The following ACOXL variants were observed in gnomAD, a reference collection of about 807,000 sequenced individuals.
ACOXL encodes the protein acyl-coenzyme A oxidase-like protein.
Under a neutral mutation model 71.9 loss-of-function variants are expected in ACOXL, and 70 were observed. The ratio of observed to expected loss-of-function variants is 0.97; its 90% confidence interval spans 0.80 to 1.19. The LOEUF is 1.19. Ranked by LOEUF, ACOXL falls within the 50% of genes most tolerant of loss-of-function variation. ACOXL has a pLI of 0.00. For missense variants in ACOXL, 703 were observed against 736.3 expected (o/e 0.95, Z 0.52); for synonymous variants, 253 against 281.6 (o/e 0.90, Z 1.02).
At chr2:110,958,327 C>T (rs1311279245) in intron 12 of ACOXL, among the ~76,000 whole-genome samples, 2 of 152,210 alleles carry the variant, frequency 1.3e-5, no homozygotes, top group African/African-American at 2.4e-5. Flanking sequence ...TCATTGGCCA[C>T]ATGTCAGCCA....
chr2:110,889,566 C>A (rs1023604939), intron 10 of ACOXL, among the ~76,000 whole-genome samples: 1 of 152,178 alleles, frequency 6.6e-6, no homozygotes, highest in Non-Finnish European at 1.5e-5. Flanking sequence ...CTATTCTGGC[C>A]ATTTCATTTT....
intron 9 of ACOXL, among the ~76,000 whole-genome samples, chr2:110,838,100 C>G (rs965796394): frequency 7.9e-5 from 12 of 152,196 alleles, no homozygotes; most frequent in African/African-American, 2.7e-4. Flanking sequence ...TGTGTGTATG[C>G]ACCTATATAT....
At chr2:111,074,872 A>C (rs1257519085) in intron 16 of ACOXL, among the ~76,000 whole-genome samples, 1 of 152,148 alleles carries the variant, frequency 6.6e-6, no homozygotes, top group African/African-American at 2.4e-5. Flanking sequence ...TGGGACTACA[A>C]GCGTGACCCA....
chr2:110,954,604 C>G (rs1036434042), intron 12 of ACOXL, among the ~76,000 whole-genome samples: 2 of 152,216 alleles, frequency 1.3e-5, no homozygotes, highest in Non-Finnish European at 2.9e-5. Flanking sequence ...ATTGCTTTAA[C>G]TAATCATGAG....
chr2:110,901,473 A>T (rs2059228436), intron 10 of ACOXL, among the ~76,000 whole-genome samples: 1 of 152,146 alleles, frequency 6.6e-6, no homozygotes, highest in Non-Finnish European at 1.5e-5. Flanking sequence ...GGGTGGTTGG[A>T]TTGATAGACT....
At chr2:110,865,803 G>A (rs1231864308) in intron 10 of ACOXL, among the ~76,000 whole-genome samples, 1 of 151,986 alleles carries the variant, frequency 6.6e-6, no homozygotes, top group Non-Finnish European at 1.5e-5. Flanking sequence ...GCATGTAAAT[G>A]ATAGCATAAT....
chr2:110,984,525 C>T (rs960038810), intron 12 of ACOXL, among the ~76,000 whole-genome samples: 13 of 152,154 alleles, frequency 8.5e-5, no homozygotes, highest in Admixed American at 2.0e-4. Context: ...TTTAAAATCA[C>T]GTTTCCTTGT....
At chr2:110,785,296 G>T (rs1256723511) in intron 3 of ACOXL, among the ~76,000 whole-genome samples, 1 of 151,810 alleles carries the variant, frequency 6.6e-6, no homozygotes, top group Non-Finnish European at 1.5e-5. Flanking sequence ...TGTAAAATCA[G>T]GAAATCAATA....
At chr2:110,949,611 C>T (rs891973809) in intron 12 of ACOXL, among the ~76,000 whole-genome samples, 3 of 152,124 alleles carry the variant, frequency 2.0e-5, no homozygotes, top group Non-Finnish European at 4.4e-5. Context: ...TTGAAAGAAC[C>T]TTGCTCCAAG....
intron 12 of ACOXL, among the ~76,000 whole-genome samples, chr2:110,944,097 G>A (rs576140629): frequency 2.0e-5 from 3 of 151,960 alleles, no homozygotes; most frequent in East Asian, 3.9e-4. Context: ...TTGCTCTGTT[G>A]CCTAGGCTGG....
chr2:110,794,358 C>G (rs1685029360), intron 5 of ACOXL, among the ~76,000 whole-genome samples, 184 bp downstream of exon 5: 1 of 152,220 alleles, frequency 6.6e-6, no homozygotes, highest in Non-Finnish European at 1.5e-5. Flanking sequence ...TTCGTGTACC[C>G]AACATCAGCC....
At chr2:110,890,335 A>G (rs1404871121) in intron 10 of ACOXL, among the ~76,000 whole-genome samples, 2 of 152,154 alleles carry the variant, frequency 1.3e-5, no homozygotes, top group Non-Finnish European at 2.9e-5. Flanking sequence ...TTTAATTTTA[A>G]TGAAGTCCAG....
intron 9 of ACOXL, among the ~76,000 whole-genome samples, chr2:110,816,784 G>A (rs758532459): frequency 6.6e-6 from 1 of 152,210 alleles, no homozygotes. Flanking sequence ...AATTCTATCC[G>A]GGTGAGAGAA....
intron 2 of ACOXL, among the ~76,000 whole-genome samples, chr2:110,769,258 GAA>G (rs1466759951): frequency 2.0e-5 from 3 of 149,158 alleles, no homozygotes; most frequent in African/African-American, 7.3e-5. Context: ...AAGAAAGAAA[GAA>G]AGAAAAAAAT....
chr2:110,782,564 T>C (rs1480040698), intron 2 of ACOXL, among the ~76,000 whole-genome samples: 3 of 152,352 alleles, frequency 2.0e-5, no homozygotes, highest in Non-Finnish European at 4.4e-5. Context: ...CAAAGGTCAC[T>C]ATCTCCTGCA....
chr2:110,955,082 T>C (rs1409730184), intron 12 of ACOXL, among the ~76,000 whole-genome samples: 1 of 152,236 alleles, frequency 6.6e-6, no homozygotes, highest in Non-Finnish European at 1.5e-5. Context: ...AATATAAATT[T>C]GGTTGTATTT....
chr2:111,074,663 C>G (rs1048764823), intron 16 of ACOXL, among the ~76,000 whole-genome samples: 1 of 152,044 alleles, frequency 6.6e-6, no homozygotes, highest in African/African-American at 2.4e-5. Flanking sequence ...GGTGCCATCA[C>G]AGCTCACTGC....
intron 3 of ACOXL, among the ~76,000 whole-genome samples, chr2:110,788,521 T>A (rs1349487931): frequency 6.6e-6 from 1 of 152,062 alleles, no homozygotes; most frequent in African/African-American, 2.4e-5. Flanking sequence ...GGTACAGAGT[T>A]TTTTTTTGGG....
chr2:110,773,804 G>A (rs945525781), intron 2 of ACOXL, among the ~76,000 whole-genome samples: 1 of 152,218 alleles, frequency 6.6e-6, no homozygotes, highest in Non-Finnish European at 1.5e-5. Context: ...GGTCAGGCCA[G>A]CCCTGGCCGC....
Sources: gnomAD v4.1 joint callset for allele counts (sites outside exome capture counted in the v4.1 genomes callset) on GRCh38, gnomAD v4.1.1 for gene constraint, MANE v1.5 for transcripts, NCBI Gene and HGNC (gene_info 2026-07-23, HGNC 2026-07-21) for gene names.